CD34: variants seen among roughly 807,000 people sequenced by gnomAD.
CD34 encodes CD34 molecule.
CD34 carries 34 observed loss-of-function variants against 40.1 expected under a neutral mutation model. The ratio of observed to expected loss-of-function variants is 0.85; its 90% CI spans 0.65 to 1.13. The LOEUF (loss-of-function observed/expected upper bound fraction) is 1.13. CD34 is among the 50% of genes most tolerant of loss of function. The pLI is 0.00. For synonymous variants in CD34, 209 were observed against 190.0 expected (o/e 1.10, Z -0.82); for missense variants, 426 against 466.9 (o/e 0.91, Z 0.81).
intron 4 of CD34, among the ~76,000 whole-genome samples, chr1:207,893,138 C>T (rs1475393989): frequency 6.6e-6 from 1 of 152,142 alleles, no homozygotes; most frequent in Non-Finnish European, 1.5e-5. Flanking sequence ...CCATTTTGTT[C>T]ATGAGAATCA....
At chr1:207,891,929 C>T (rs1354623769) in intron 4 of CD34, among the ~76,000 whole-genome samples, 1 of 152,052 alleles carries the variant, frequency 6.6e-6, no homozygotes, top group African/African-American at 2.4e-5. Flanking sequence ...TTAGCAGACA[C>T]ATGTCACTAT....
intron 4 of CD34, 141 bp from the exon 5 acceptor site, chr1:207,889,762 A>G: frequency 6.3e-7 from 1 of 1,587,168 alleles, no homozygotes; most frequent in Non-Finnish European, 8.5e-7. Flanking sequence ...ACAGAAAAAA[A>G]AAAAACTGCT....
At chr1:207,898,838 G>A in intron 3 of CD34, 135 bp downstream of exon 3, 2 of 923,408 alleles carry the variant, frequency 2.2e-6, no homozygotes, top group Non-Finnish European at 3.4e-6. Flanking sequence ...TTTAAACTGT[G>A]TATTTCCGTG....
chr1:207,899,671 A>C, intron 2 of CD34, 150 bp downstream of exon 2: 2 of 680,666 alleles, frequency 2.9e-6, no homozygotes, highest in South Asian at 4.2e-5. Flanking sequence ...AACTTACTTC[A>C]GGGCACCCTA....
chr1:207,893,752 G>A (rs1042002639), intron 4 of CD34, among the ~76,000 whole-genome samples: 7 of 152,090 alleles, frequency 4.6e-5, no homozygotes, highest in East Asian at 1.9e-4. Flanking sequence ...ACAAATTGGC[G>A]GACAAAGGAC....
rs1027934726 is a variant in CD34, at chr1:207,890,294, A to G, written c.598-673T>C. On this transcript the variant is annotated intron_variant, in intron 4 of 7. Coordinates refer to ENST00000310833, the MANE Select transcript of CD34 (RefSeq NM_001025109.2). Reference sequence around the variant, plus strand: ...GAAGAAAAACTCTGATAATTCTTCAATAGTGAGTCAGAATTTATTCCAGCA... The same window carrying G: ...GAAGAAAAACTCTGATAATTCTTCAGTAGTGAGTCAGAATTTATTCCAGCA... 16 of 950,858 alleles carry G rather than the reference A, an allele frequency of 1.7e-5. No homozygotes were observed. In the African/African-American group the frequency reaches 2.8e-4, roughly 17 times the overall value. 58.9% of individuals were successfully genotyped at this position (950,858 alleles called of 1,614,324 possible). A position where few individuals can be genotyped will look rare whatever the true frequency, so the allele number is the denominator to read the frequency against.
At chr1:207,892,252 C>G (rs560416060) in intron 4 of CD34, among the ~76,000 whole-genome samples, 20 of 152,266 alleles carry the variant, frequency 1.3e-4, no homozygotes, top group African/African-American at 4.6e-4. Context: ...CAGCTGTACA[C>G]TAGGTTGTTG....
chr1:207,906,117 A>G (rs866524968), intron 1 of CD34, among the ~76,000 whole-genome samples: 1 of 152,234 alleles, frequency 6.6e-6, no homozygotes, highest in East Asian at 1.9e-4. Context: ...ATTTAAATCA[A>G]TCCCTCAAGG....
At chr1:207,895,805 G>A (rs1662140019) in intron 4 of CD34, among the ~76,000 whole-genome samples, 1 of 152,158 alleles carries the variant, frequency 6.6e-6, no homozygotes, top group Non-Finnish European at 1.5e-5. Flanking sequence ...GTTGCAGGGG[G>A]AAAGATCGTC....
Position 207,885,154 on chromosome 1 carries a change from A to G in CD34, c.*2584T>C, listed in dbSNP as rs1237275108. On this transcript the variant is annotated 3_prime_UTR_variant, in exon 8 of 8. Coordinates refer to ENST00000310833, the MANE Select transcript of CD34 (RefSeq NM_001025109.2). ...GTTATATGAGCTTTGTGTACAAGAGAAATTGGACTAGAGGGTGGGGCAGCC... is the reference window on the plus strand; with the variant it reads ...GTTATATGAGCTTTGTGTACAAGAGGAATTGGACTAGAGGGTGGGGCAGCC... 6.6e-6 allele frequency: 1 copy of G among 152,240 alleles called. No homozygotes were observed. Among genetic ancestry groups the G allele is most frequent in the Non-Finnish European group, 1.5e-5 (1 of 68,090 alleles). 9.4% of individuals were successfully genotyped at this position (152,240 alleles called of 1,614,324 possible).
chr1:207,897,009 T>C (rs1302803390), intron 4 of CD34, among the ~76,000 whole-genome samples: 2 of 151,990 alleles, frequency 1.3e-5, no homozygotes. Context: ...AACGGTTACA[T>C]GGAAAATATA....
chr1:207,906,227 T>C (rs1380078384), intron 1 of CD34, among the ~76,000 whole-genome samples: 1 of 152,188 alleles, frequency 6.6e-6, no homozygotes, highest in East Asian at 1.9e-4. Flanking sequence ...TTAGAACTAA[T>C]GATTAGAAGT....
intron 4 of CD34, among the ~76,000 whole-genome samples, chr1:207,892,428 A>C (rs1662058078): frequency 6.6e-6 from 1 of 152,064 alleles, no homozygotes; most frequent in Non-Finnish European, 1.5e-5. Context: ...AAAATGCAAA[A>C]ATTAGCTGGG....
rs970431353 is a variant in CD34, at chr1:207,892,585, CA to C, written c.598-2965del. 6.5e-3 allele frequency among the ~76,000 whole-genome samples: 881 copies of C among 135,040 alleles called. 8 individuals are homozygous for C. Among genetic ancestry groups the C allele is most frequent in the African/African-American group, 0.019 (681 of 36,488 alleles). 88.6% of individuals were successfully genotyped at this position (135,040 alleles called of 152,430 possible). A position where few individuals can be genotyped will look rare whatever the true frequency, so the allele number is the denominator to read the frequency against. ...TGGGCAACAGAGCAAGACTCTGTCT[CA>C]AAAAAAAAAAAGTGTCCAATGTGGT... On this transcript the variant is annotated intron_variant, in intron 4 of 7. Transcript: ENST00000310833.
At chr1:207,892,823 C>T (rs988900164) in intron 4 of CD34, among the ~76,000 whole-genome samples, 7 of 152,046 alleles carry the variant, frequency 4.6e-5, no homozygotes, top group South Asian at 2.1e-4. Flanking sequence ...CTGCATGAAC[C>T]GTGGCACCAA....
rs1241886061 is a variant in CD34 at position 207,897,537 on chromosome 1, A to G, written c.553T>C (p.Leu185=). 2.6e-6 allele frequency: 4 copies of G among 1,558,790 alleles called. No individual in the cohort carries two copies. The highest frequency in any genetic ancestry group is 2.4e-5 in the East Asian group (1 of 41,866). The part of the protein sequence containing the change: ...IKCSGIREVK[L]TQGICLEQNK... ...TGCTCCAGGCAGATGCCCTGAGTCA[A>G]TTTCACTTCTCTGATGCCTGAACAT... The change falls in exon 4 of 8, where the codon TTG becomes CTG. Residue 185 remains leucine (L), a synonymous_variant. Coordinates refer to ENST00000310833, the MANE Select transcript of CD34 (RefSeq NM_001025109.2).
chr1:207,888,224 C>G, intron 7 of CD34: 1 of 1,195,514 alleles, frequency 8.4e-7, no homozygotes, highest in Non-Finnish European at 1.2e-6. Flanking sequence ...GATGACCTCC[C>G]CAGGGTAGGG....
chr1:207,906,270 A>G (rs1331164133), intron 1 of CD34, among the ~76,000 whole-genome samples: 2 of 152,222 alleles, frequency 1.3e-5, no homozygotes, highest in Admixed American at 6.5e-5. Context: ...CAATCCAAGG[A>G]AAAAGTGTAA....
intron 4 of CD34, among the ~76,000 whole-genome samples, chr1:207,892,929 G>T (rs966583627): frequency 1.3e-5 from 2 of 152,186 alleles, no homozygotes; most frequent in Non-Finnish European, 2.9e-5. Context: ...TCTTGGACTA[G>T]ATTCAAGGGA....
Sources: allele counts gnomAD v4.1 joint callset (sites outside exome capture counted in the v4.1 genomes callset), GRCh38; gene constraint gnomAD v4.1.1; transcripts MANE v1.5; gene names NCBI Gene and HGNC (gene_info 2026-07-23, HGNC 2026-07-21).